Variants in STARD9 observed in about 807,000 individuals in gnomAD.
STARD9 encodes the protein stAR-related lipid transfer protein 9.
Under a neutral mutation model 399.8 loss-of-function variants are expected in STARD9, and 346 were observed. That is an observed-to-expected ratio of 0.87 (90% CI 0.79 to 0.95). The LOEUF (loss-of-function observed/expected upper bound fraction) is 0.95, where lower values mean the gene tolerates loss of function less well. Among genes scored for constraint, STARD9 ranks in the 40% least tolerant of loss-of-function variants. STARD9 has a pLI of 0.00. For missense variants in STARD9, 5,832 were observed against 5,667.5 expected (o/e 1.03, Z -0.93); for synonymous variants, 2,203 against 2,143.5 (o/e 1.03, Z -0.77).
chr15:42,639,227 G>A lies in STARD9; in HGVS notation c.559+415G>A, dbSNP rs541890756. ...TGTTTCAGGAAGAGGGAGTGGAATGGACTAGAGCCCTGGGAGAAGGCTTGA... is the reference window on the plus strand; with the variant it reads ...TGTTTCAGGAAGAGGGAGTGGAATGAACTAGAGCCCTGGGAGAAGGCTTGA... On this transcript the variant is annotated intron_variant, in intron 7 of 32. Transcript: ENST00000290607. 3.3e-4 allele frequency among the ~76,000 whole-genome samples: 50 copies of A among 152,348 alleles called. 1 individual carries two copies. Among genetic ancestry groups the A allele is most frequent in the South Asian group, 1.7e-3 (8 of 4,826 alleles).
At position 42,588,776 on chromosome 15, in the gene STARD9, G is replaced by GTTTT. The variant is rs758570571; in HGVS notation, c.234+3175_234+3178dup. Among the ~76,000 whole-genome samples the GTTTT allele has an allele frequency of 1.8e-4, 7 of 38,414 alleles. 2 individuals carry two copies. The highest frequency in any genetic ancestry group is 3.5e-4 in the African/African-American group (3 of 8,456). The allele number at this position is 38,414 out of a possible 152,430, so 25.2% of individuals were successfully genotyped here. A position where few individuals can be genotyped will look rare whatever the true frequency, so the allele number is the denominator to read the frequency against. On this transcript the variant is annotated intron_variant, in intron 3 of 32. Coordinates refer to ENST00000290607, the MANE Select transcript of STARD9 (RefSeq NM_020759.3). ...TAACCCAGTTTATCCTCTTCACAGC[G>GTTTT]TTTTTTTTTTTTTTTTTTTTTTTTT...
rs1322381582 is a variant in STARD9 at position 42,691,085 on chromosome 15, A to C, written c.9507A>C (p.Arg3169Ser). ...PQHECLENTT[R>S]CFLEKPQFST... ...ATGAATGTTTAGAAAATACCACTAGATGTTTTTTGGAAAAGCCACAATTTT... is the reference window on the plus strand; with the variant it reads ...ATGAATGTTTAGAAAATACCACTAGCTGTTTTTTGGAAAAGCCACAATTTT... The change falls in exon 23 of 33, where the codon AGA (arginine) becomes AGC (serine). Residue 3169 changes from arginine (R) to serine (S), a missense_variant. By Grantham distance (110) the Arg-to-Ser change is moderately radical. Coordinates refer to ENST00000290607, the MANE Select transcript of STARD9 (RefSeq NM_020759.3). The C allele has an allele frequency of 6.5e-7, 1 of 1,537,168 alleles. No homozygotes were observed. Among genetic ancestry groups the C allele is most frequent in the Non-Finnish European group, 8.7e-7 (1 of 1,146,900 alleles).
At position 42,575,817 on chromosome 15, in the gene STARD9, G is replaced by C. The variant is rs998579179; in HGVS notation, c.47+55G>C. 15 of 1,510,146 alleles carry C rather than the reference G, an allele frequency of 9.9e-6. No homozygotes were observed. The South Asian group carries it at 1.1e-4, about 11-fold the overall frequency. The allele number at this position is 1,510,146 out of a possible 1,614,324, so 93.5% of individuals were successfully genotyped here. A position where few individuals can be genotyped will look rare whatever the true frequency, so the allele number is the denominator to read the frequency against. On this transcript the variant is annotated intron_variant, in intron 1 of 32. Coordinates refer to ENST00000290607, the MANE Select transcript of STARD9 (RefSeq NM_020759.3). The stretch of plus-strand genomic sequence containing the variant: ...GCTTCACAGGAGCTGAAAAGAGCGG[G>C]AGGTCCGCGTCTCCCCCTGCAGAGA...
In STARD9 at chr15:42,684,209, G is replaced by T; in HGVS notation, c.2631G>T (p.Leu877Phe). Residue 877 changes from leucine (L) to phenylalanine (F), a missense_variant, in exon 23 of 33, where the codon TTG becomes TTT. Transcript: ENST00000290607. ...AGAAAACATCATCAGAAGAGCATTTGCCACAGGCTGCTTCCTACCCTGCAA... is the reference window on the plus strand; with the variant it reads ...AGAAAACATCATCAGAAGAGCATTTTCCACAGGCTGCTTCCTACCCTGCAA... ...TSEKTSSEEH[L>F]PQAASYPART... The T allele has an allele frequency of 6.5e-7, 1 of 1,537,268 alleles. No individual in the cohort carries two copies. Among genetic ancestry groups the T allele is most frequent in the Non-Finnish European group, 8.7e-7 (1 of 1,146,896 alleles).
chr15:42,683,339 A>G (rs2060476054), intron 22 of STARD9, among the ~76,000 whole-genome samples: 1 of 152,202 alleles, frequency 6.6e-6, no homozygotes, highest in African/African-American at 2.4e-5. Flanking sequence ...TGTATCACTG[A>G]TATTATTCAG....
At chr15:42,719,403 T>C in intron 32 of STARD9, 70 bp from the exon 33 acceptor site, 1 of 1,015,312 alleles carries the variant, frequency 9.8e-7, no homozygotes, top group South Asian at 1.4e-5. Flanking sequence ...GGGGACTCCA[T>C]GGGACTGGAG....
intron 26 of STARD9, among the ~76,000 whole-genome samples, chr15:42,705,191 T>C (rs2061049517): frequency 6.6e-6 from 1 of 152,212 alleles, no homozygotes; most frequent in South Asian, 2.1e-4. Flanking sequence ...GGGCGGTGTC[T>C]CTCATCACTA....
At position 42,687,720 on chromosome 15, in the gene STARD9, G is replaced by T; in HGVS notation, c.6142G>T (p.Ala2048Ser). 2 of 1,537,512 alleles carry T rather than the reference G, an allele frequency of 1.3e-6. No individual in the cohort carries two copies. The highest frequency in any genetic ancestry group is 1.2e-5 in the South Asian group (1 of 84,046). ...AAGAGTTAATAATACTGATGAAATG[G>T]CTAGGCTAATTAGGAGTGTAATGCA... Reference protein sequence around the residue: ...NKRVNNTDEMARLIRSVMQLE... With the variant: ...NKRVNNTDEMSRLIRSVMQLE... The change falls in exon 23 of 33, where the codon GCT becomes TCT. Residue 2048 changes from alanine (A) to serine (S), a missense_variant. Physicochemically the swap from Ala to Ser is moderately conservative, Grantham distance 99. Coordinates refer to ENST00000290607, the MANE Select transcript of STARD9 (RefSeq NM_020759.3).
At chr15:42,702,237 T>A (rs1177469870) in intron 26 of STARD9, among the ~76,000 whole-genome samples, 1 of 152,136 alleles carries the variant, frequency 6.6e-6, no homozygotes, top group African/African-American at 2.4e-5. Flanking sequence ...AGAGTCTTGC[T>A]CTGTCGCCCA....
chr15:42,625,943 A>G (rs71474496), intron 3 of STARD9, among the ~76,000 whole-genome samples: 19,328 of 152,078 alleles, frequency 0.13, 1,732 homozygotes, highest in South Asian at 0.23. Flanking sequence ...TCTTTTTGAG[A>G]CAGAGTCTAG....
chr15:42,604,826 A>G (rs2058698005), intron 3 of STARD9, among the ~76,000 whole-genome samples: 1 of 151,704 alleles, frequency 6.6e-6, no homozygotes, highest in South Asian at 2.1e-4. Context: ...TATTTTTTGT[A>G]GAAACAAGGT....
rs368083503 is a variant in STARD9, at chr15:42,625,737, T to C, written c.235-9119T>C. Among the ~76,000 whole-genome samples the C allele has an allele frequency of 1.1e-4, 17 of 151,652 alleles. No individual in the cohort carries two copies. The South Asian group carries it at 2.1e-3, about 19-fold the overall frequency. ...TTAGTTTTTAATAGCAATTTCAGTTTGTAATAGACATGCATGAAACTTTTC... is the reference window on the plus strand; with the variant it reads ...TTAGTTTTTAATAGCAATTTCAGTTCGTAATAGACATGCATGAAACTTTTC... On this transcript the variant is annotated intron_variant, in intron 3 of 32. Transcript: ENST00000290607.
intron 12 of STARD9, 68 bp downstream of exon 12, chr15:42,663,558 C>G (rs2060030679): frequency 1.1e-6 from 1 of 926,062 alleles, no homozygotes; most frequent in Non-Finnish European, 1.6e-6. Flanking sequence ...GGGCCATGGC[C>G]CCAGTGAGTG....
chr15:42,662,942 C>T, intron 11 of STARD9, 51 bp downstream of exon 11: 1 of 1,304,308 alleles, frequency 7.7e-7, no homozygotes, highest in East Asian at 2.5e-5. Flanking sequence ...GAAAATAACT[C>T]ATGTTTTCAT....
intron 21 of STARD9, 79 bp downstream of exon 21, chr15:42,681,691 C>CT (rs2060431839): frequency 2.3e-6 from 3 of 1,284,138 alleles, no homozygotes; most frequent in Admixed American, 2.8e-5. Context: ...TCTGTATTCT[C>CT]TCTTTTGTTT....
rs776703925 is a variant in STARD9 at position 42,676,012 on chromosome 15, T to C, written c.1874+37T>C. The C allele has an allele frequency of 7.4e-6, 10 of 1,343,994 alleles. No individual in the cohort carries two copies. In the South Asian group the frequency reaches 1.2e-4, roughly 17 times the overall value. 83.3% of individuals were successfully genotyped at this position (1,343,994 alleles called of 1,614,324 possible). A position where few individuals can be genotyped will look rare whatever the true frequency, so the allele number is the denominator to read the frequency against. On this transcript the variant is annotated intron_variant, in intron 20 of 32. Coordinates refer to ENST00000290607, the MANE Select transcript of STARD9 (RefSeq NM_020759.3). ...CTGCTTATACTGATGTGGAACCTAC[T>C]GGGTTCGCTTCTTAGTCCATGACAG...
At chr15:42,695,413 A>G in intron 25 of STARD9, 90 bp downstream of exon 25, 1 of 1,243,678 alleles carries the variant, frequency 8.0e-7, no homozygotes, top group South Asian at 1.6e-5. Flanking sequence ...GTCTTGGGAC[A>G]TACGTAACAT....
At position 42,688,185 on chromosome 15, in the gene STARD9, A is replaced by G. The variant is rs921984055; in HGVS notation, c.6607A>G (p.Met2203Val). The G allele has an allele frequency of 3.3e-6, 5 of 1,537,462 alleles. No individual in the cohort carries two copies. The African/African-American group carries it at 6.8e-5, about 21-fold the overall frequency. The change falls in exon 23 of 33, where the codon ATG becomes GTG. Residue 2203 changes from methionine (M) to valine (V), a missense_variant. By Grantham distance (21) the Met-to-Val change is conservative. Transcript: ENST00000290607. Reference protein sequence around the residue: ...FTNTSLHPQRMKALARALPLQ... With the variant: ...FTNTSLHPQRVKALARALPLQ... ...CAACACTTCTCTTCACCCACAGAGAATGAAAGCATTGGCTAGAGCTCTGCC... is the reference window on the plus strand; with the variant it reads ...CAACACTTCTCTTCACCCACAGAGAGTGAAAGCATTGGCTAGAGCTCTGCC...
Position 42,702,307 on chromosome 15 carries a change from G to T in STARD9, c.13284+6427G>T, listed in dbSNP as rs1403142105. On this transcript the variant is annotated intron_variant, in intron 26 of 32. Transcript: ENST00000290607. ...CAACCTCTGCCTCCCGGGTTCAAATGATTCTCCTGCCTCAGCCTCCTGAGC... is the reference window on the plus strand; with the variant it reads ...CAACCTCTGCCTCCCGGGTTCAAATTATTCTCCTGCCTCAGCCTCCTGAGC... Among the ~76,000 whole-genome samples, 5 of 152,110 alleles carry T rather than the reference G, an allele frequency of 3.3e-5. No individual in the cohort carries two copies. In the East Asian group the frequency reaches 9.7e-4, roughly 30 times the overall value.
Sources: gnomAD v4.1 joint callset for allele counts (sites outside exome capture counted in the v4.1 genomes callset) on GRCh38, gnomAD v4.1.1 for gene constraint, MANE v1.5 for transcripts, NCBI Gene and HGNC (gene_info 2026-07-23, HGNC 2026-07-21) for gene names.